Variants in WWOX observed in about 807,000 individuals in gnomAD.
WWOX encodes the protein WW domain-containing oxidoreductase.
In WWOX, 69 loss-of-function variants were observed where a neutral mutation model predicts 46.2. That is an observed-to-expected ratio of 1.49 (90% CI 1.23 to 1.82). The LOEUF (loss-of-function observed/expected upper bound fraction) is 1.82, where lower values mean the gene tolerates loss of function less well. WWOX is among the 40% of genes most tolerant of loss of function. The probability of loss-of-function intolerance (pLI) is 0.00; values close to 1 mark genes in which losing one functional copy is unlikely to be tolerated. For missense variants in WWOX, 919 were observed against 542.6 expected, an observed-to-expected ratio of 1.69 and a Z score of -6.89; for synonymous variants, 359 against 202.6, an observed-to-expected ratio of 1.77 and a Z score of -6.56.
chr16:78,939,223 G>C (rs1419413866), intron 8 of WWOX, among the ~76,000 whole-genome samples: 2 of 152,104 alleles, frequency 1.3e-5, no homozygotes, highest in African/African-American at 4.8e-5. Flanking sequence ...TCTTCTGTCT[G>C]CTAGACACAG....
intron 8 of WWOX, among the ~76,000 whole-genome samples, chr16:78,821,104 C>G (rs1044198201): frequency 1.9e-4 from 29 of 152,318 alleles, no homozygotes; most frequent in African/African-American, 6.5e-4. Context: ...TAGGGGGACA[C>G]TATTGAACCC....
intron 5 of WWOX, among the ~76,000 whole-genome samples, chr16:78,182,960 AAAAAAAAG>A (rs1396216600): frequency 2.7e-5 from 4 of 150,000 alleles, no homozygotes; most frequent in African/African-American, 9.8e-5. Context: ...CAAAAAAAAA[AAAAAAAAG>A]AAAGAAAGAA....
chr16:79,138,990 T>G (rs2050035968), intron 8 of WWOX, among the ~76,000 whole-genome samples: 2 of 152,082 alleles, frequency 1.3e-5, no homozygotes, highest in Admixed American at 1.3e-4. Flanking sequence ...ATAACTCCCT[T>G]TAGTATTGAT....
intron 8 of WWOX, among the ~76,000 whole-genome samples, chr16:78,950,844 G>C (rs1279563840): frequency 1.3e-5 from 2 of 152,280 alleles, no homozygotes; most frequent in Admixed American, 1.3e-4. Context: ...TGAAGCAGGG[G>C]CTCTGATTGT....
chr16:78,594,409 A>C (rs1281353751), intron 8 of WWOX, among the ~76,000 whole-genome samples: 2 of 129,838 alleles, frequency 1.5e-5, no homozygotes, highest in African/African-American at 5.9e-5. Flanking sequence ...CTGAGTCTTG[A>C]CGAAGAAGAC....
At chr16:78,629,506 C>T (rs1483836488) in intron 8 of WWOX, among the ~76,000 whole-genome samples, 1 of 152,210 alleles carries the variant, frequency 6.6e-6, no homozygotes, top group East Asian at 1.9e-4. Flanking sequence ...TTGCCACTCC[C>T]TGCTTAATCC....
intron 8 of WWOX, among the ~76,000 whole-genome samples, chr16:78,717,610 T>C (rs2048593865): frequency 6.6e-6 from 1 of 152,116 alleles, no homozygotes; most frequent in Non-Finnish European, 1.5e-5. Context: ...TTTTGATGAA[T>C]GAATAGGAGT....
At chr16:78,116,087 A>G (rs1225183565) in intron 4 of WWOX, among the ~76,000 whole-genome samples, 2 of 152,190 alleles carry the variant, frequency 1.3e-5, no homozygotes, top group Non-Finnish European at 2.9e-5. Context: ...GCAATGTGAA[A>G]TAGTCACATC....
At chr16:78,927,995 T>C (rs541397714) in intron 8 of WWOX, among the ~76,000 whole-genome samples, 2 of 152,248 alleles carry the variant, frequency 1.3e-5, no homozygotes, top group South Asian at 4.1e-4. Context: ...TGTGTATGTG[T>C]GTGTGCGTGT....
chr16:78,897,484 A>C (rs1288773971), intron 8 of WWOX: 1 of 152,000 alleles, frequency 6.6e-6, no homozygotes, highest in East Asian at 1.9e-4. Context: ...TGATTCATCC[A>C]TGTTGATGGG....
In WWOX at chr16:78,543,071, A is replaced by C. The variant is rs1233238107; in HGVS notation, c.1056+110319A>C. On this transcript the variant is annotated intron_variant, in intron 8 of 8. Coordinates refer to ENST00000566780, the MANE Select transcript of WWOX (RefSeq NM_016373.4). ...TAGTACACATATTTGAGCAGAGTAC[A>C]TGTGTTTCATTTCTTGCTCATACGA... Among the ~76,000 whole-genome samples, 4 of 152,226 alleles carry C rather than the reference A, an allele frequency of 2.6e-5. No individual in the cohort carries two copies. In the South Asian group the frequency reaches 6.2e-4, roughly 24 times the overall value.
chr16:78,280,361 C>T (rs2079654551), intron 5 of WWOX, among the ~76,000 whole-genome samples: 1 of 152,110 alleles, frequency 6.6e-6, no homozygotes, highest in South Asian at 2.1e-4. Context: ...TTGTGATATT[C>T]AACAAAGAAT....
intron 8 of WWOX, among the ~76,000 whole-genome samples, chr16:78,475,949 G>A (rs1417474835): frequency 6.6e-6 from 1 of 152,132 alleles, no homozygotes; most frequent in Non-Finnish European, 1.5e-5. Flanking sequence ...AATTTATTAT[G>A]GTAATGAGAA....
chr16:79,119,938 A>T lies in WWOX; in HGVS notation c.1057-91670A>T, dbSNP rs1301406005. 3.3e-5 allele frequency among the ~76,000 whole-genome samples: 5 copies of T among 152,280 alleles called. No individual in the cohort carries two copies. The East Asian group carries it at 9.7e-4, about 29-fold the overall frequency. The stretch of plus-strand genomic sequence containing the variant: ...CAGGAGAACTGCCTTATGTACAGAA[A>T]TGGTTCAGGGGCCGTGGAATGGACA... On this transcript the variant is annotated intron_variant, in intron 8 of 8. Coordinates refer to ENST00000566780, the MANE Select transcript of WWOX (RefSeq NM_016373.4).
chr16:78,644,375 A>G (rs2046792218), intron 8 of WWOX, among the ~76,000 whole-genome samples: 1 of 152,108 alleles, frequency 6.6e-6, no homozygotes, highest in African/African-American at 2.4e-5. Flanking sequence ...AAAAATTTTA[A>G]TTATTTCTAG....
chr16:78,812,591 G>A (rs947631789), intron 8 of WWOX, among the ~76,000 whole-genome samples: 2 of 152,020 alleles, frequency 1.3e-5, no homozygotes, highest in Non-Finnish European at 2.9e-5. Flanking sequence ...CCAGGCCTAG[G>A]CGCAGGCACC....
chr16:78,360,401 A>G (rs536741930), intron 5 of WWOX, among the ~76,000 whole-genome samples: 1 of 152,170 alleles, frequency 6.6e-6, no homozygotes, highest in Non-Finnish European at 1.5e-5. Flanking sequence ...GCCTGGTCAA[A>G]TAGTGAAATC....
chr16:79,187,093 T>A (rs2051031009), intron 8 of WWOX, among the ~76,000 whole-genome samples: 1 of 151,862 alleles, frequency 6.6e-6, no homozygotes, highest in Non-Finnish European at 1.5e-5. Context: ...GTTAGGGGGG[T>A]CATTAGAAAA....
intron 5 of WWOX, among the ~76,000 whole-genome samples, chr16:78,175,570 T>C (rs2035316355): frequency 6.6e-6 from 1 of 152,080 alleles, no homozygotes. Flanking sequence ...AGACCTGAGG[T>C]GAGGCCCATG....
Sources: gnomAD v4.1 joint callset for allele counts (sites outside exome capture counted in the v4.1 genomes callset) on GRCh38, gnomAD v4.1.1 for gene constraint, MANE v1.5 for transcripts, NCBI Gene and HGNC (gene_info 2026-07-23, HGNC 2026-07-21) for gene names.